Variants in ATXN1 observed in about 807,000 individuals in gnomAD.
ATXN1 encodes ataxin 1, also known as ataxin-1.
A neutral mutation model predicts 56.4 loss-of-function variants in ATXN1; 8 were observed. The observed-to-expected ratio is 0.14, with a 90% CI of 0.08 to 0.26. ATXN1 has a LOEUF of 0.26. ATXN1 is among the 10% of genes least tolerant of loss of function. The pLI is 1.00. For synonymous variants in ATXN1, 514 were observed against 494.6 expected, an observed-to-expected ratio of 1.04 and a Z score of -0.52; for missense variants, 987 against 1,106.5, an observed-to-expected ratio of 0.89 and a Z score of 1.53.
chr6:16,377,011 T>G (rs970981135), intron 6 of ATXN1, among the ~76,000 whole-genome samples: 2 of 152,184 alleles, frequency 1.3e-5, no homozygotes, highest in Admixed American at 1.3e-4. Flanking sequence ...ACACGAGCAC[T>G]TCCATCAATT....
At chr6:16,752,641 A>G (rs1425452565) in intron 2 of ATXN1, among the ~76,000 whole-genome samples, 2 of 152,116 alleles carry the variant, frequency 1.3e-5, no homozygotes, top group Non-Finnish European at 2.9e-5. Context: ...TCCTGATTTA[A>G]TTTGAGGCAA....
At chr6:16,431,777 T>C (rs1759289088) in intron 6 of ATXN1, among the ~76,000 whole-genome samples, 1 of 152,200 alleles carries the variant, frequency 6.6e-6, no homozygotes, top group African/African-American at 2.4e-5. Context: ...ACTATGCAAC[T>C]GTGCTTTCGT....
intron 6 of ATXN1, among the ~76,000 whole-genome samples, chr6:16,476,113 T>C (rs527656765): frequency 6.6e-6 from 1 of 152,274 alleles, no homozygotes; most frequent in East Asian, 1.9e-4. Context: ...CCTCAGGTGA[T>C]CCACCCGCCT....
At chr6:16,535,332 T>C (rs1761576151) in intron 4 of ATXN1, among the ~76,000 whole-genome samples, 1 of 152,162 alleles carries the variant, frequency 6.6e-6, no homozygotes, top group Non-Finnish European at 1.5e-5. Flanking sequence ...TGACAGGGAA[T>C]ATCCAAGATG....
At chr6:16,431,977 C>G (rs1170262815) in intron 6 of ATXN1, among the ~76,000 whole-genome samples, 2 of 152,108 alleles carry the variant, frequency 1.3e-5, no homozygotes, top group Admixed American at 1.3e-4. Context: ...AGTCTCTGCG[C>G]AGGAGTTTTG....
At chr6:16,439,219 A>T (rs1436064388) in intron 6 of ATXN1, among the ~76,000 whole-genome samples, 2 of 151,728 alleles carry the variant, frequency 1.3e-5, no homozygotes, top group African/African-American at 4.8e-5. Context: ...GAGTTCCTTT[A>T]TAGTATTACT....
rs2097655 is a variant in ATXN1 at position 16,391,156 on chromosome 6, C to T, written c.-160-62686G>A. Among the ~76,000 whole-genome samples the T allele has an allele frequency of 7.6e-3, 777 of 102,888 alleles. 5 individuals carry two copies. The highest frequency in any genetic ancestry group is 0.051 in the Middle Eastern group (8 of 158). 67.5% of individuals were successfully genotyped at this position (102,888 alleles called of 152,430 possible). ...CAGCCTGGGTGACACAGCAAGACTC[C>T]ATCTCAAAAAAAAAAAAAAAAAAAA... On this transcript the variant is annotated intron_variant, in intron 6 of 7. Transcript: ENST00000436367.
chr6:16,321,203 CCTT>C (rs1760643308), intron 7 of ATXN1, among the ~76,000 whole-genome samples: 1 of 152,210 alleles, frequency 6.6e-6, no homozygotes, highest in Non-Finnish European at 1.5e-5. Context: ...GAAGCCCCAT[CCTT>C]CTTTTGAGTT....
chr6:16,329,509 C>T (rs984547685), intron 6 of ATXN1, among the ~76,000 whole-genome samples: 4 of 152,102 alleles, frequency 2.6e-5, no homozygotes, highest in Admixed American at 2.0e-4. Flanking sequence ...CATATGATGA[C>T]GGAGTGAGAC....
chr6:16,557,465 C>T (rs1034110927), intron 4 of ATXN1, among the ~76,000 whole-genome samples: 1 of 151,722 alleles, frequency 6.6e-6, no homozygotes, highest in African/African-American at 2.4e-5. Flanking sequence ...ATAATTCTTT[C>T]TATATTTATC....
chr6:16,543,632 TAAAA>T (rs566914364), intron 4 of ATXN1, among the ~76,000 whole-genome samples: 2 of 106,404 alleles, frequency 1.9e-5, no homozygotes, highest in Non-Finnish European at 3.8e-5. Flanking sequence ...GCTATTTTCC[TAAAA>T]AAAAAAAAAA....
intron 6 of ATXN1, among the ~76,000 whole-genome samples, chr6:16,444,452 A>G (rs1297042286): frequency 1.3e-5 from 2 of 152,210 alleles, no homozygotes; most frequent in Middle Eastern, 3.2e-3. Context: ...CAATGCTCAG[A>G]CAGGGGACCA....
At chr6:16,420,781 C>CTA (rs1459719273) in intron 6 of ATXN1, among the ~76,000 whole-genome samples, 1 of 152,070 alleles carries the variant, frequency 6.6e-6, no homozygotes, top group East Asian at 1.9e-4. Context: ...ACTTGGAAGG[C>CTA]TATTATCTCA....
chr6:16,591,186 G>A, intron 3 of ATXN1, among the ~76,000 whole-genome samples: 1 of 152,054 alleles, frequency 6.6e-6, no homozygotes, highest in Non-Finnish European at 1.5e-5. Flanking sequence ...CAAACTACTG[G>A]TCTCCAGCAA....
At chr6:16,476,947 G>A (rs145538080) in intron 6 of ATXN1, among the ~76,000 whole-genome samples, 12 of 152,208 alleles carry the variant, frequency 7.9e-5, no homozygotes, top group South Asian at 2.1e-4. Flanking sequence ...CAATTATCTC[G>A]ACTTGAGTGT....
chr6:16,542,932 T>C (rs908300563), intron 4 of ATXN1, among the ~76,000 whole-genome samples: 3 of 151,850 alleles, frequency 2.0e-5, no homozygotes, highest in African/African-American at 7.2e-5. Flanking sequence ...AAATATCTTA[T>C]TGCATGGCAC....
chr6:16,689,521 C>CTTTTTTTTTTTTTT (rs11374047), intron 2 of ATXN1, among the ~76,000 whole-genome samples: 68 of 105,204 alleles, frequency 6.5e-4, no homozygotes, highest in African/African-American at 1.4e-3. Context: ...TTTTTTTTTT[C>CTTTTTTTTTTTTTT]TTTTTTTTTT....
At chr6:16,360,443 C>A (rs1761785265) in intron 6 of ATXN1, among the ~76,000 whole-genome samples, 1 of 152,146 alleles carries the variant, frequency 6.6e-6, no homozygotes, top group South Asian at 2.1e-4. Context: ...GCTTGAATAA[C>A]ATATTCAGCA....
chr6:16,398,774 G>A (rs761761088), intron 6 of ATXN1, among the ~76,000 whole-genome samples: 2 of 152,174 alleles, frequency 1.3e-5, no homozygotes, highest in Non-Finnish European at 2.9e-5. Flanking sequence ...AGAATGCTTG[G>A]CTAGATGGCA....
Sources: allele counts gnomAD v4.1 joint callset (sites outside exome capture counted in the v4.1 genomes callset), GRCh38; gene constraint gnomAD v4.1.1; transcripts MANE v1.5; gene names NCBI Gene and HGNC (gene_info 2026-07-23, HGNC 2026-07-21).